ZBTB46: variants seen among roughly 807,000 people sequenced by gnomAD.
ZBTB46 encodes zinc finger and BTB domain-containing protein 46.
ZBTB46 carries 8 observed loss-of-function variants against 44.1 expected under a neutral mutation model. The ratio of observed to expected loss-of-function variants is 0.18; its 90% confidence interval spans 0.11 to 0.33. ZBTB46 has a LOEUF of 0.33. Among genes scored for constraint, ZBTB46 ranks in the 10% least tolerant of loss-of-function variants. The pLI is 1.00. For missense variants in ZBTB46, 651 were observed against 847.7 expected (o/e 0.77, Z 2.88); for synonymous variants, 409 against 382.3 (o/e 1.07, Z -0.81).
chr20:63,786,606 G>A (rs879856858), intron 2 of ZBTB46, among the ~76,000 whole-genome samples: 1 of 152,158 alleles, frequency 6.6e-6, no homozygotes, highest in Admixed American at 6.6e-5. Flanking sequence ...CCGCCTCCCT[G>A]GTTCAAGAGA....
At chr20:63,831,821 C>G (rs2092853952), upstream of ZBTB46, among the ~76,000 whole-genome samples, 1 of 151,594 alleles carries the variant, frequency 6.6e-6, no homozygotes, top group Non-Finnish European at 1.5e-5. Context: ...GCGCGTCTCG[C>G]AAACTTGGCG....
chr20:63,802,414 C>T (rs1026303339), intron 1 of ZBTB46, among the ~76,000 whole-genome samples: 1 of 151,320 alleles, frequency 6.6e-6, no homozygotes, highest in African/African-American at 2.4e-5. Context: ...AGAATGAGAC[C>T]CTCTCAAAAA....
At chr20:63,761,663 T>C (rs892099527) in intron 3 of ZBTB46, among the ~76,000 whole-genome samples, 5 of 151,018 alleles carry the variant, frequency 3.3e-5, no homozygotes, top group African/African-American at 9.8e-5. Context: ...GTGCCTGTAA[T>C]CCCAGCTACT....
intron 1 of ZBTB46, among the ~76,000 whole-genome samples, chr20:63,818,871 CAA>C (rs141702422): frequency 9.4e-4 from 75 of 79,894 alleles, no homozygotes; most frequent in Non-Finnish European, 8.1e-4. Context: ...AACTCCAGCT[CAA>C]AAAAAAAAAA....
In ZBTB46 at chr20:63,767,881, G is replaced by A; in HGVS notation, c.1222+7797C>T. On this transcript the variant is annotated intron_variant, in intron 3 of 4. Coordinates refer to ENST00000245663, the MANE Select transcript of ZBTB46 (RefSeq NM_001369741.1). This position sits in a 1 kb window ranked among gnomAD's most constrained non-coding sequence, Gnocchi z 5.0. ...GGAAGAAGACTCCTCAGGCATCCTG[G>A]ACAGGCCACAGGCCCTGCAGAAACC... The A allele has an allele frequency of 1.0e-6, 1 of 985,326 alleles. No homozygotes were observed. Among genetic ancestry groups the A allele is most frequent in the Non-Finnish European group, 1.2e-6 (1 of 829,838 alleles). The allele number at this position is 985,326 out of a possible 1,614,324, so 61.0% of individuals were successfully genotyped here.
intron 1 of ZBTB46, among the ~76,000 whole-genome samples, chr20:63,813,447 C>CAA (rs35043743): frequency 0.074 from 10,484 of 141,326 alleles, 581 homozygotes; most frequent in East Asian, 0.34. Flanking sequence ...GACTCCATCT[C>CAA]AAAAAAAAAA....
At chr20:63,812,238 G>A (rs570604946) in intron 1 of ZBTB46, among the ~76,000 whole-genome samples, 27 of 152,328 alleles carry the variant, frequency 1.8e-4, no homozygotes, top group African/African-American at 6.0e-4. Flanking sequence ...GGCCAGGCAA[G>A]GAGGCTCAGG....
intron 2 of ZBTB46, among the ~76,000 whole-genome samples, chr20:63,776,445 C>T (rs930001660): frequency 4.6e-5 from 7 of 152,192 alleles, no homozygotes; most frequent in Non-Finnish European, 8.8e-5. Flanking sequence ...GATACAAAAC[C>T]AAGCACAAGC....
intron 2 of ZBTB46, among the ~76,000 whole-genome samples, chr20:63,778,072 C>CTGAGCCGAG (rs1436108424): frequency 6.6e-6 from 1 of 152,160 alleles, no homozygotes; most frequent in Non-Finnish European, 1.5e-5. Flanking sequence ...GGGTTTCCCT[C>CTGAGCCGAG]TGAGCCGAGG....
intron 1 of ZBTB46, among the ~76,000 whole-genome samples, chr20:63,794,932 C>T (rs929736934): frequency 3.9e-5 from 6 of 152,214 alleles, no homozygotes; most frequent in Non-Finnish European, 8.8e-5. Context: ...CTCAGGTCCC[C>T]GTGTGGCACC....
chr20:63,794,733 C>T (rs2092587455), intron 1 of ZBTB46, among the ~76,000 whole-genome samples: 1 of 152,208 alleles, frequency 6.6e-6, no homozygotes. Context: ...ACGCAAGCAG[C>T]GGACTTGAGC....
intron 3 of ZBTB46, among the ~76,000 whole-genome samples, chr20:63,755,714 C>A (rs1239243885): frequency 6.6e-6 from 1 of 152,154 alleles, no homozygotes; most frequent in African/African-American, 2.4e-5. Context: ...CTGGAAACAA[C>A]ACCTTCCATG....
intron 3 of ZBTB46, among the ~76,000 whole-genome samples, chr20:63,755,413 C>A (rs922651718): frequency 3.3e-5 from 5 of 152,222 alleles, no homozygotes; most frequent in African/African-American, 1.2e-4. Context: ...TGGCTTGTGA[C>A]CGCATCGCTC....
intron 1 of ZBTB46, among the ~76,000 whole-genome samples, chr20:63,808,992 A>G (rs867937278): frequency 1.2e-4 from 18 of 147,360 alleles, no homozygotes; most frequent in Admixed American, 2.0e-4. Flanking sequence ...AAAAAAAAAA[A>G]AAAAAAAGAA....
Position 63,767,850 on chromosome 20 carries a change from T to C in ZBTB46, c.1222+7828A>G. ...AGGGCTGGGCAAGTCCATCCAGGCC[T>C]GGGCTGGAAGAAGACTCCTCAGGCA... On this transcript the variant is annotated intron_variant, in intron 3 of 4. Coordinates refer to ENST00000245663, the MANE Select transcript of ZBTB46 (RefSeq NM_001369741.1). The surrounding 1 kb of genome is among the most constrained non-coding windows in gnomAD (Gnocchi z 5.0). The C allele has an allele frequency of 2.0e-6, 2 of 980,224 alleles. No individual in the cohort carries two copies. The highest frequency in any genetic ancestry group is 2.4e-6 in the Non-Finnish European group (2 of 825,204). 60.7% of individuals were successfully genotyped at this position (980,224 alleles called of 1,614,324 possible).
chr20:63,790,890 G>T, intron 1 of ZBTB46, 100 bp from the exon 2 acceptor site: 10 of 1,429,460 alleles, frequency 7.0e-6, no homozygotes, highest in Non-Finnish European at 9.2e-6. Flanking sequence ...ACAGAGTGCG[G>T]CCAGTGGGAG....
intron 1 of ZBTB46, among the ~76,000 whole-genome samples, chr20:63,823,302 G>A (rs1014090198): frequency 4.6e-5 from 7 of 151,966 alleles, no homozygotes; most frequent in African/African-American, 1.2e-4. Flanking sequence ...CAAGACCAGC[G>A]TGGGCAACAT....
intron 2 of ZBTB46, among the ~76,000 whole-genome samples, chr20:63,781,882 G>A (rs1224332706): frequency 2.0e-5 from 3 of 151,698 alleles, no homozygotes; most frequent in Non-Finnish European, 2.9e-5. Context: ...TCAGGAGATC[G>A]AGACCATCCT....
intron 1 of ZBTB46, 105 bp from the exon 2 acceptor site, chr20:63,790,895 T>C (rs2145930880): frequency 1.4e-6 from 2 of 1,424,026 alleles, no homozygotes; most frequent in Non-Finnish European, 1.8e-6. Flanking sequence ...GTGCGGCCAG[T>C]GGGAGGACGA....
Sources: gnomAD v4.1 joint callset for allele counts (sites outside exome capture counted in the v4.1 genomes callset) on GRCh38, gnomAD v4.1.1 for gene constraint, Gnocchi (gnomAD v3.1) non-coding constraint, MANE v1.5 for transcripts, NCBI Gene and HGNC (gene_info 2026-07-23, HGNC 2026-07-21) for gene names.